NUP153: variants seen among roughly 807,000 people sequenced by gnomAD.
NUP153 encodes nucleoporin 153, also known as nuclear pore complex protein Nup153.
Under a neutral mutation model 134.6 loss-of-function variants are expected in NUP153, and 27 were observed. The ratio of observed to expected loss-of-function variants is 0.20; its 90% CI spans 0.15 to 0.28. The LOEUF is 0.28. NUP153 is among the 10% of genes least tolerant of loss of function. The probability of loss-of-function intolerance (pLI) is 1.00; values close to 1 mark genes in which losing one functional copy is unlikely to be tolerated. For missense variants in NUP153, 1,821 were observed against 1,731.3 expected (o/e 1.05, Z -0.92); for synonymous variants, 640 against 623.5 (o/e 1.03, Z -0.40).
Position 17,637,168 on chromosome 6 carries a change from T to C in NUP153, c.2449A>G (p.Met817Val). Residue 817 changes from methionine to valine, a missense_variant, in exon 16 of 22, where the codon ATG becomes GTG. By Grantham distance (21) the Met-to-Val change is conservative. Coordinates refer to ENST00000262077, the MANE Select transcript of NUP153 (RefSeq NM_005124.4). ...AAAAACATACCTGGTTTCTCAGACA[T>C]ACAGGACACACACTTATTGTCTTCT... ...NAEDNKCVSC[M>V]SEKPGSSVPA... 3.1e-6 allele frequency: 5 copies of C among 1,608,888 alleles called. No individual in the cohort carries two copies. The South Asian group carries it at 3.3e-5, about 11-fold the overall frequency.
rs952132762 is a variant in NUP153, at chr6:17,640,706, T to C, written c.1721-642A>G. Among the ~76,000 whole-genome samples the C allele has an allele frequency of 3.3e-5, 5 of 152,248 alleles. No individual in the cohort carries two copies. The East Asian group carries it at 9.6e-4, about 29-fold the overall frequency. ...ATCATAGCTTAATGCATCCTCAAACTCCTGGGCTTAAGCAATCCTCCCACC... is the reference window on the plus strand; with the variant it reads ...ATCATAGCTTAATGCATCCTCAAACCCCTGGGCTTAAGCAATCCTCCCACC... On this transcript the variant is annotated intron_variant, in intron 14 of 21. Transcript: ENST00000262077.
intron 2 of NUP153, among the ~76,000 whole-genome samples, chr6:17,683,935 T>C (rs1268033017): frequency 6.6e-6 from 1 of 152,138 alleles, no homozygotes; most frequent in Non-Finnish European, 1.5e-5. Context: ...ATGGGAAGTC[T>C]TTGGGTCATG....
At chr6:17,635,547 G>A (rs959602668) in intron 16 of NUP153, among the ~76,000 whole-genome samples, 9 of 152,116 alleles carry the variant, frequency 5.9e-5, no homozygotes, top group Non-Finnish European at 7.4e-5. Context: ...GACTATAGGC[G>A]GGTGCCACCA....
Position 17,649,317 on chromosome 6 carries a change from T to G in NUP153, c.1396-17A>C. 2 of 1,601,354 alleles carry G rather than the reference T, an allele frequency of 1.2e-6. No individual in the cohort carries two copies. Among genetic ancestry groups the G allele is most frequent in the Middle Eastern group, 1.7e-4 (1 of 6,012 alleles). On this transcript the variant is annotated splice_polypyrimidine_tract_variant and intron_variant, in intron 11 of 21. Coordinates refer to ENST00000262077, the MANE Select transcript of NUP153 (RefSeq NM_005124.4). ...TTCCATTTCCTAAAACATAACATGT[T>G]GCATGATATATTTCATCTTTCACAT...
At chr6:17,662,415 T>C (rs1208809282) in intron 9 of NUP153, among the ~76,000 whole-genome samples, 1 of 152,126 alleles carries the variant, frequency 6.6e-6, no homozygotes, top group African/African-American at 2.4e-5. Flanking sequence ...TCGAAATAGC[T>C]CCCTACAACT....
In NUP153 at chr6:17,638,228, T is replaced by G. The variant is rs1351226920; in HGVS notation, c.1847-458A>C. Among the ~76,000 whole-genome samples, 1 of 152,250 alleles carries G rather than the reference T, an allele frequency of 6.6e-6. No homozygotes were observed. Among genetic ancestry groups the G allele is most frequent in the Non-Finnish European group, 1.5e-5 (1 of 68,052 alleles). ...CCAGTCATAACCTACTGCTGTGGTA[T>G]TCTCTACCTTCAGTAAAATCAGCTG... On this transcript the variant is annotated intron_variant, in intron 15 of 21. Coordinates refer to ENST00000262077, the MANE Select transcript of NUP153 (RefSeq NM_005124.4). The surrounding 1 kb of genome is among the most constrained non-coding windows in gnomAD (Gnocchi z 4.0).
chr6:17,691,367 T>C (rs1769263894), intron 1 of NUP153, among the ~76,000 whole-genome samples: 1 of 152,234 alleles, frequency 6.6e-6, no homozygotes, highest in South Asian at 2.1e-4. Context: ...CCTATATACC[T>C]ATATCCAATA....
At chr6:17,673,355 A>G (rs1158754166) in intron 5 of NUP153, among the ~76,000 whole-genome samples, 3 of 149,766 alleles carry the variant, frequency 2.0e-5, no homozygotes, top group Admixed American at 1.3e-4. Context: ...TGTCTCAGAG[A>G]AAAAAAAAAT....
At chr6:17,652,073 A>G (rs977601303) in intron 11 of NUP153, 2 of 382,540 alleles carry the variant, frequency 5.2e-6, no homozygotes, top group African/African-American at 4.1e-5. Flanking sequence ...TAAATAAATA[A>G]CCAAGGGGAT....
rs11963713 is a variant in NUP153 at position 17,680,276 on chromosome 6, C to T, written c.335-4506G>A. Among the ~76,000 whole-genome samples, 1,601 of 152,178 alleles carry T rather than the reference C, an allele frequency of 0.011. 27 individuals are homozygous for T. The highest frequency in any genetic ancestry group is 0.037 in the African/African-American group (1,524 of 41,494). On this transcript the variant is annotated intron_variant, in intron 2 of 21. Transcript: ENST00000262077. The surrounding 1 kb of genome is among the most constrained non-coding windows in gnomAD (Gnocchi z 4.5). ...AAAGACAGGCAATACAGACCATGGA[C>T]GTGAACACAGGGCCCAGAAATAAAC...
rs769202315 is a variant in NUP153 at position 17,646,099 on chromosome 6, C to A, written c.1688G>T (p.Ser563Ile). The A allele has an allele frequency of 7.5e-6, 12 of 1,596,838 alleles. No homozygotes were observed. The Admixed American group carries it at 1.7e-4, about 22-fold the overall frequency. Residue 563 changes from serine to isoleucine, a missense_variant, in exon 14 of 22, where the codon AGT becomes ATT. Coordinates refer to ENST00000262077, the MANE Select transcript of NUP153 (RefSeq NM_005124.4). ...ACTTATAATTGGTTCTAAAGTACTA[C>A]TAGAACCAGAAAGTTCTGCTGTTTT... Reference protein sequence around the residue: ...VAKTAELSGSSSTLEPIISSS... With the variant: ...VAKTAELSGSISTLEPIISSS...
chr6:17,688,454 C>A lies in NUP153; in HGVS notation c.276G>T (p.Glu92Asp), dbSNP rs371263282. 6.2e-7 allele frequency: 1 copy of A among 1,614,132 alleles called. No homozygotes were observed. Among genetic ancestry groups the A allele is most frequent in the Non-Finnish European group, 8.5e-7 (1 of 1,180,010 alleles). Residue 92 changes from glutamate (E) to aspartate (D), a missense_variant, in exon 2 of 22, where the codon GAG becomes GAT. Coordinates refer to ENST00000262077, the MANE Select transcript of NUP153 (RefSeq NM_005124.4). ...KEDHLVYADE[E>D]SSNITDGRIT... Reference sequence around the variant, plus strand: ...TTCTCCCATCAGTAATATTAGAGCTCTCCTCATCGGCATATACCAGATGGT... The same window carrying A: ...TTCTCCCATCAGTAATATTAGAGCTATCCTCATCGGCATATACCAGATGGT...
chr6:17,641,463 A>C (rs1389464679), intron 14 of NUP153, among the ~76,000 whole-genome samples: 1 of 151,904 alleles, frequency 6.6e-6, no homozygotes, highest in Non-Finnish European at 1.5e-5. Flanking sequence ...TGAACCTGGG[A>C]GGCGGAGGTT....
intron 1 of NUP153, among the ~76,000 whole-genome samples, chr6:17,704,122 C>A (rs1459586737): frequency 6.6e-6 from 1 of 152,190 alleles, no homozygotes; most frequent in African/African-American, 2.4e-5. Flanking sequence ...GAAACCCCGT[C>A]TCTACTAAAA....
Position 17,625,994 on chromosome 6 carries a change from C to A in NUP153, c.3715G>T (p.Ala1239Ser). 1 of 1,614,198 alleles carries A rather than the reference C, an allele frequency of 6.2e-7. No homozygotes were observed. The highest frequency in any genetic ancestry group is 8.5e-7 in the Non-Finnish European group (1 of 1,180,038). Reference protein sequence around the residue: ...GQSSNPVSSSAFGNTAESSTS... With the variant: ...GQSSNPVSSSSFGNTAESSTS... ...CTGGATTCAGCAGTGTTACCAAAGG[C>A]AGAGCTGCTCACAGGATTGCTGGAC... Residue 1239 changes from alanine (A) to serine (S), a missense_variant, in exon 19 of 22, where the codon GCC becomes TCC. Transcript: ENST00000262077. The surrounding 1 kb of genome is among the most constrained non-coding windows in gnomAD (Gnocchi z 4.7).
rs746733378 is a variant in NUP153 at position 17,662,001 on chromosome 6, A to G, written c.1268+17T>C. The G allele has an allele frequency of 1.0e-5, 16 of 1,562,818 alleles. No individual in the cohort carries two copies. The East Asian group carries it at 2.9e-4, about 29-fold the overall frequency. ...GTTAAATATAAAGAAGTATAGCTGT[A>G]TAAGAAATGACAGTACCTTTCTCGT... On this transcript the variant is annotated intron_variant, in intron 10 of 21. Transcript: ENST00000262077.
intron 11 of NUP153, among the ~76,000 whole-genome samples, chr6:17,654,589 C>G (rs150513300): frequency 6.6e-6 from 1 of 151,818 alleles, no homozygotes; most frequent in Admixed American, 6.6e-5. Context: ...GAAAGTGCTG[C>G]GATTACAGGC....
At chr6:17,621,917 T>C (rs1764659423) in intron 20 of NUP153, among the ~76,000 whole-genome samples, 1 of 152,218 alleles carries the variant, frequency 6.6e-6, no homozygotes, top group Non-Finnish European at 1.5e-5. Context: ...TGTATGTATG[T>C]AACAAAATAA....
At chr6:17,697,065 C>T (rs551229469) in intron 1 of NUP153, among the ~76,000 whole-genome samples, 46 of 147,946 alleles carry the variant, frequency 3.1e-4, no homozygotes, top group Admixed American at 2.7e-3. Context: ...AGCAAGACTC[C>T]GTCTCAAAAA....
Sources: allele counts gnomAD v4.1 joint callset (sites outside exome capture counted in the v4.1 genomes callset), GRCh38; gene constraint gnomAD v4.1.1; non-coding constraint Gnocchi (gnomAD v3.1); transcripts MANE v1.5; gene names NCBI Gene and HGNC (gene_info 2026-07-23, HGNC 2026-07-21).